The following GFI1B variants were observed in gnomAD, a reference collection of about 807,000 sequenced individuals.
GFI1B encodes the protein zinc finger protein Gfi-1b.
Under a neutral mutation model 35.3 loss-of-function variants are expected in GFI1B, and 20 were observed. That is an observed-to-expected ratio of 0.57 (90% CI 0.40 to 0.82). The LOEUF (loss-of-function observed/expected upper bound fraction) is 0.82. Ranked by LOEUF, GFI1B falls within the 40% of genes least tolerant of loss-of-function variation. The pLI is 0.00. For missense variants in GFI1B, 430 were observed against 446.3 expected, an observed-to-expected ratio of 0.96 and a Z score of 0.33; for synonymous variants, 178 against 177.6, an observed-to-expected ratio of 1.00 and a Z score of -0.02.
In GFI1B at chr9:132,988,463, A is replaced by C; in HGVS notation, c.505A>C (p.Asn169His). The C allele has an allele frequency of 6.2e-7, 1 of 1,613,530 alleles. No individual in the cohort carries two copies. The highest frequency in any genetic ancestry group is 8.5e-7 in the Non-Finnish European group (1 of 1,179,962). Reference protein sequence around the residue: ...GMDAYHCVKCNKVFSTPHGLE... With the variant: ...GMDAYHCVKCHKVFSTPHGLE... ...GGATGCGTACCACTGTGTGAAGTGC[A>C]ACAAGGTGGGCAGCGGGGGGTGTGG... Residue 169 changes from asparagine to histidine, a missense_variant, in exon 4 of 7, where the codon AAC becomes CAC. Coordinates refer to ENST00000372122, the MANE Select transcript of GFI1B (RefSeq NM_001377304.1).
chr9:132,973,276 AT>A (rs1848563109), intron 2 of GFI1B, among the ~76,000 whole-genome samples: 1 of 152,042 alleles, frequency 6.6e-6, no homozygotes, highest in Admixed American at 6.5e-5. Context: ...TTCACCCCCA[AT>A]ATCCCACGAC....
intron 3 of GFI1B, 96 bp from the exon 4 acceptor site, chr9:132,988,101 C>G: frequency 8.5e-7 from 1 of 1,174,038 alleles, no homozygotes; most frequent in South Asian, 1.2e-5. Context: ...TTGCCTCAGC[C>G]TCCCAAAGTG....
rs530642159 is a variant in GFI1B, at chr9:132,991,125, A to T, written c.*75A>T. 1.5e-6 allele frequency: 2 copies of T among 1,328,298 alleles called. No homozygotes were observed. Among genetic ancestry groups the T allele is most frequent in the African/African-American group, 2.9e-5 (2 of 69,758 alleles). The allele number at this position is 1,328,298 out of a possible 1,614,324, so 82.3% of individuals were successfully genotyped here. ...CCTGGAGGCCAGCCTCACATGCCCA[A>T]ATCTCCAGTCTCCTGGAGGTGGGAC... On this transcript the variant is annotated 3_prime_UTR_variant, in exon 7 of 7. Transcript: ENST00000372122.
chr9:132,970,565 G>C (rs1029849244), intron 1 of GFI1B, among the ~76,000 whole-genome samples: 1 of 152,172 alleles, frequency 6.6e-6, no homozygotes, highest in East Asian at 1.9e-4. Context: ...TGGCCAGGGG[G>C]GTGTGTCTGT....
intron 1 of GFI1B, among the ~76,000 whole-genome samples, chr9:132,979,886 C>G (rs1034579): frequency 0.089 from 13,512 of 152,138 alleles, 632 homozygotes; most frequent in Middle Eastern, 0.17. Flanking sequence ...GGAGTAAATT[C>G]GATTACAATC....
At chr9:132,974,221 C>G (rs1283671967), upstream of GFI1B, among the ~76,000 whole-genome samples, 1 of 152,222 alleles carries the variant, frequency 6.6e-6, no homozygotes, top group Admixed American at 6.5e-5. Context: ...AAGCCCTGAG[C>G]TGTGTGCCTG....
In GFI1B at chr9:132,991,307, G is replaced by C; in HGVS notation, c.*257G>C. ...AGAAGTTGTTTCCAGGTGTGCTCAAGTGCCTTCCTCTAGCAGAGCACAGAA... is the reference window on the plus strand; with the variant it reads ...AGAAGTTGTTTCCAGGTGTGCTCAACTGCCTTCCTCTAGCAGAGCACAGAA... On this transcript the variant is annotated 3_prime_UTR_variant, in exon 7 of 7. Coordinates refer to ENST00000372122, the MANE Select transcript of GFI1B (RefSeq NM_001377304.1). 1 of 544,140 alleles carries C rather than the reference G, an allele frequency of 1.8e-6. No homozygotes were observed. The highest frequency in any genetic ancestry group is 2.0e-5 in the South Asian group (1 of 49,570). The allele number at this position is 544,140 out of a possible 1,614,324, so 33.7% of individuals were successfully genotyped here.
downstream of GFI1B, among the ~76,000 whole-genome samples, chr9:132,991,907 C>T (rs115268596): frequency 9.6e-3 from 1,468 of 152,138 alleles, 23 homozygotes; most frequent in African/African-American, 0.033. Context: ...CAGGGGTGGG[C>T]AAGGCTAGTG....
Position 132,989,858 on chromosome 9 carries a change from G to A in GFI1B, c.765G>A (p.Lys255=). 1 of 1,614,258 alleles carries A rather than the reference G, an allele frequency of 6.2e-7. No individual in the cohort carries two copies. Among genetic ancestry groups the A allele is most frequent in the Non-Finnish European group, 8.5e-7 (1 of 1,180,038 alleles). Residue 255 remains lysine (K), a synonymous_variant, in exon 6 of 7, where the codon AAG becomes AAA. Transcript: ENST00000372122. The surrounding 1 kb of genome is among the most constrained non-coding windows in gnomAD (Gnocchi z 6.2). ...CCTACCCCTGCCAGTTCTGCGGCAA[G>A]CGTTTCCACCAGAAGTCCGACATGA... ...TRPYPCQFCG[K]RFHQKSDMKK...
intron 1 of GFI1B, among the ~76,000 whole-genome samples, chr9:132,969,446 T>C (rs1233601493): frequency 6.6e-6 from 1 of 152,258 alleles, no homozygotes; most frequent in Non-Finnish European, 1.5e-5. Context: ...ATCCAGGTTG[T>C]TGCCTGTGTC....
chr9:132,989,099 A>T lies in GFI1B; in HGVS notation c.549A>T (p.Arg183=). The T allele has an allele frequency of 6.2e-7, 1 of 1,613,920 alleles. No individual in the cohort carries two copies. The highest frequency in any genetic ancestry group is 8.5e-7 in the Non-Finnish European group (1 of 1,179,806). The part of the protein sequence containing the change: ...STPHGLEVHV[R]RSHSGTRPFA... ...CTCACGGGCTCGAAGTGCATGTGCG[A>T]CGCTCCCATAGTGGGACCCGGCCCT... is the stretch of plus-strand genomic sequence containing the variant. Residue 183 remains arginine (R), a synonymous_variant, in exon 5 of 7, where the codon CGA becomes CGT. Coordinates refer to ENST00000372122, the MANE Select transcript of GFI1B (RefSeq NM_001377304.1). The surrounding 1 kb of genome is among the most constrained non-coding windows in gnomAD (Gnocchi z 6.2).
At chr9:132,982,810 A>G (rs1370130287) in intron 1 of GFI1B, among the ~76,000 whole-genome samples, 1 of 151,954 alleles carries the variant, frequency 6.6e-6, no homozygotes, top group Non-Finnish European at 1.5e-5. Context: ...TGTCACTGTC[A>G]CTTGCCAAGC....
intron 1 of GFI1B, among the ~76,000 whole-genome samples, chr9:132,968,085 C>CTTTT (rs869269838): frequency 1.6e-5 from 2 of 121,238 alleles, no homozygotes; most frequent in African/African-American, 3.3e-5. Context: ...CCCAGCCATT[C>CTTTT]TTTTATTTAT....
At position 132,990,939 on chromosome 9, in the gene GFI1B, C is replaced by T. The variant is rs573535960; in HGVS notation, c.882C>T (p.His294=). Reference sequence around the variant, plus strand: ...GCCAGAGCTCCAACCTCATCACCCACAGCCGCAAGCACACAGGCTTCAAGC... The same window carrying T: ...GCCAGAGCTCCAACCTCATCACCCATAGCCGCAAGCACACAGGCTTCAAGC... ...AFSQSSNLIT[H]SRKHTGFKPF... The change falls in exon 7 of 7, where the codon CAC becomes CAT. Residue 294 remains histidine (H), a synonymous_variant. Coordinates refer to ENST00000372122, the MANE Select transcript of GFI1B (RefSeq NM_001377304.1). 6.2e-7 allele frequency: 1 copy of T among 1,614,230 alleles called. No homozygotes were observed. The highest frequency in any genetic ancestry group is 1.1e-5 in the South Asian group (1 of 91,092).
At position 132,972,401 on chromosome 9, in the gene GFI1B, A is replaced by G. The variant is rs183036224; in HGVS notation, c.-700-324A>G. On this transcript the variant is annotated intron_variant, in intron 1 of 10. Transcript: ENST00000339463. ...TGCACCACTGCACTCCAGCCTGGGC[A>G]ACAGAGCTAGACTCCGTTTCAAAAA... Among the ~76,000 whole-genome samples the G allele has an allele frequency of 7.4e-3, 1,118 of 151,480 alleles. 14 individuals are homozygous for G. Among genetic ancestry groups the G allele is most frequent in the African/African-American group, 0.024 (1,002 of 41,262 alleles).
chr9:132,993,254 G>T (rs638689), downstream of GFI1B, among the ~76,000 whole-genome samples: 1 of 151,992 alleles, frequency 6.6e-6, no homozygotes, highest in Non-Finnish European at 1.5e-5. Context: ...AGATGTTGTC[G>T]TTGCACTCCA....
rs1410069646 is a variant in GFI1B, at chr9:132,950,681, A to G, written c.-701+5012A>G. ...TCAAGCAATTCACTACGCACTATAC[A>G]CACTATGCACTACACTATACTATAC... On this transcript the variant is annotated intron_variant, in intron 1 of 10. Coordinates refer to the GFI1B transcript ENST00000339463. Among the ~76,000 whole-genome samples the G allele has an allele frequency of 2.5e-5, 2 of 80,504 alleles. 1 individual carries two copies. The highest frequency in any genetic ancestry group is 5.2e-5 in the Non-Finnish European group (2 of 38,436). The allele number at this position is 80,504 out of a possible 152,430, so 52.8% of individuals were successfully genotyped here.
At chr9:132,979,669 G>C (rs1276663048) in intron 1 of GFI1B, among the ~76,000 whole-genome samples, 1 of 152,172 alleles carries the variant, frequency 6.6e-6, no homozygotes, top group East Asian at 1.9e-4. Context: ...GAGAGGTACT[G>C]TTTCAGCTCG....
chr9:132,982,048 C>T (rs565437174), intron 1 of GFI1B, among the ~76,000 whole-genome samples: 139 of 152,302 alleles, frequency 9.1e-4, no homozygotes, highest in African/African-American at 3.1e-3. Flanking sequence ...CCACCACGCC[C>T]GGCCTCCCTT....
Sources: allele counts gnomAD v4.1 joint callset (sites outside exome capture counted in the v4.1 genomes callset), GRCh38; gene constraint gnomAD v4.1.1; non-coding constraint Gnocchi (gnomAD v3.1); transcripts MANE v1.5; gene names NCBI Gene and HGNC (gene_info 2026-07-23, HGNC 2026-07-21).